The following PRKCH variants were observed in gnomAD, a reference collection of about 807,000 sequenced individuals.
PRKCH encodes the protein protein kinase C eta type.
PRKCH carries 28 observed loss-of-function variants against 82.5 expected under a neutral mutation model. The observed-to-expected ratio is 0.34, with a 90% CI of 0.25 to 0.47. The LOEUF (loss-of-function observed/expected upper bound fraction) is 0.47. PRKCH is among the 20% of genes least tolerant of loss of function. The pLI is 1.00. For synonymous variants in PRKCH, 322 were observed against 327.4 expected, an observed-to-expected ratio of 0.98 and a Z score of 0.18; for missense variants, 705 against 881.8, an observed-to-expected ratio of 0.80 and a Z score of 2.54.
At chr14:61,356,055 C>G (rs1032356011) in intron 1 of PRKCH, among the ~76,000 whole-genome samples, 1 of 152,122 alleles carries the variant, frequency 6.6e-6, no homozygotes, top group Non-Finnish European at 1.5e-5. Flanking sequence ...ATCCAGAGAA[C>G]CGGAAGAGCA....
chr14:61,317,844 G>A (rs1230895935), upstream of PRKCH, among the ~76,000 whole-genome samples: 2 of 152,196 alleles, frequency 1.3e-5, no homozygotes, highest in South Asian at 2.1e-4. Context: ...CCCATAAAGA[G>A]TCTGATCCAC....
chr14:61,325,048 C>G (rs1183051678), intron 1 of PRKCH, among the ~76,000 whole-genome samples: 1 of 152,100 alleles, frequency 6.6e-6, no homozygotes, highest in Non-Finnish European at 1.5e-5. Context: ...TCAATTCTTC[C>G]CAAAGTATTC....
At chr14:61,429,238 A>G (rs1883272420) in intron 2 of PRKCH, among the ~76,000 whole-genome samples, 1 of 152,198 alleles carries the variant, frequency 6.6e-6, no homozygotes, top group Non-Finnish European at 1.5e-5. Context: ...CTGGAAGACC[A>G]GAAAGGGCAC....
chr14:61,388,308 G>A (rs192296151), intron 1 of PRKCH, among the ~76,000 whole-genome samples: 16 of 152,346 alleles, frequency 1.1e-4, no homozygotes, highest in Non-Finnish European at 1.6e-4. Context: ...CTTGAAGACC[G>A]TGTTTAAATC....
intron 1 of PRKCH, among the ~76,000 whole-genome samples, chr14:61,238,836 T>A (rs575801617): frequency 2.0e-5 from 3 of 152,312 alleles, no homozygotes; most frequent in Admixed American, 6.5e-5. Flanking sequence ...ACAAACTGGG[T>A]AAAGCTTCTC....
intron 12 of PRKCH, among the ~76,000 whole-genome samples, chr14:61,536,184 A>AC (rs10647032): frequency 6.6e-6 from 1 of 151,486 alleles, no homozygotes; most frequent in Non-Finnish European, 1.5e-5. Flanking sequence ...CACCCTCATG[A>AC]TTTTTTGCCA....
At chr14:61,391,194 A>G (rs906974316) in intron 1 of PRKCH, 31 bp from the exon 2 acceptor site, 1 of 1,575,214 alleles carries the variant, frequency 6.3e-7, no homozygotes, top group Non-Finnish European at 8.7e-7. Flanking sequence ...TAAAACTAAC[A>G]TATAATATAC....
intron 1 of PRKCH, among the ~76,000 whole-genome samples, chr14:61,379,763 C>T (rs577913441): frequency 1.9e-4 from 29 of 152,274 alleles, no homozygotes; most frequent in African/African-American, 6.3e-4. Context: ...GAGTATATTC[C>T]CCATCTCCAG....
At chr14:61,210,734 T>C (rs1331834047) in intron 1 of PRKCH, among the ~76,000 whole-genome samples, 2 of 150,416 alleles carry the variant, frequency 1.3e-5, no homozygotes, top group Non-Finnish European at 2.9e-5. Flanking sequence ...AGTGATCACA[T>C]TAAATAGGCC....
At chr14:61,470,833 G>A (rs528461152) in intron 9 of PRKCH, among the ~76,000 whole-genome samples, 10 of 152,170 alleles carry the variant, frequency 6.6e-5, no homozygotes, top group African/African-American at 1.7e-4. Context: ...GGAGATCCCT[G>A]CTAGCCAAAT....
chr14:61,284,065 G>C (rs1342061293), intron 1 of PRKCH, among the ~76,000 whole-genome samples: 2 of 152,218 alleles, frequency 1.3e-5, no homozygotes, highest in African/African-American at 4.8e-5. Context: ...ATAGTGCAAA[G>C]GCAGGAGCAG....
intron 10 of PRKCH, among the ~76,000 whole-genome samples, chr14:61,519,395 C>T (rs1024671900): frequency 2.0e-5 from 3 of 152,128 alleles, no homozygotes; most frequent in Non-Finnish European, 4.4e-5. Flanking sequence ...TCAAGCAATC[C>T]TCCCACCCTG....
chr14:61,456,890 C>A, intron 7 of PRKCH: 1 of 305,060 alleles, frequency 3.3e-6, no homozygotes, highest in Admixed American at 4.8e-5. Context: ...CAAGGGACCA[C>A]ACAAGGCATT....
At chr14:61,545,928 G>A (rs772043309) in intron 12 of PRKCH, among the ~76,000 whole-genome samples, 3 of 152,208 alleles carry the variant, frequency 2.0e-5, no homozygotes, top group Non-Finnish European at 2.9e-5. Flanking sequence ...AGAACAGGCT[G>A]TACCCACCCA....
At chr14:61,518,055 G>C (rs532832924) in intron 10 of PRKCH, among the ~76,000 whole-genome samples, 1 of 152,330 alleles carries the variant, frequency 6.6e-6, no homozygotes, top group South Asian at 2.1e-4. Context: ...GTCTGCACTG[G>C]GGAAGAGACT....
At chr14:61,362,248 G>A (rs2046234044) in intron 1 of PRKCH, among the ~76,000 whole-genome samples, 1 of 151,868 alleles carries the variant, frequency 6.6e-6, no homozygotes, top group South Asian at 2.1e-4. Flanking sequence ...GCAGAAGAGG[G>A]AGGATAGCTT....
chr14:61,338,942 C>T (rs1197291917), intron 1 of PRKCH, among the ~76,000 whole-genome samples: 2 of 152,018 alleles, frequency 1.3e-5, no homozygotes, highest in Non-Finnish European at 2.9e-5. Context: ...AATGACTGTT[C>T]CCATTAATAT....
At chr14:61,417,971 T>C (rs956217196) in intron 2 of PRKCH, among the ~76,000 whole-genome samples, 1 of 152,228 alleles carries the variant, frequency 6.6e-6, no homozygotes, top group Non-Finnish European at 1.5e-5. Context: ...CTGATTAAAC[T>C]TGAAAAGGGA....
In PRKCH at chr14:61,425,020, T is replaced by C. The variant is rs534287427; in HGVS notation, c.428-18091T>C. Among the ~76,000 whole-genome samples the C allele has an allele frequency of 1.9e-3, 291 of 152,346 alleles. 2 individuals are homozygous for C. The highest frequency in any genetic ancestry group is 6.4e-3 in the African/African-American group (266 of 41,584). On this transcript the variant is annotated intron_variant, in intron 2 of 13. Coordinates refer to ENST00000332981, the MANE Select transcript of PRKCH (RefSeq NM_006255.5). ...CCTGCAGGTATACAAAAGTCAAGAA[T>C]TGAGGTTTGGGAGCCTCAGCTGAGA...
Sources: allele counts gnomAD v4.1 joint callset (sites outside exome capture counted in the v4.1 genomes callset), GRCh38; gene constraint gnomAD v4.1.1; transcripts MANE v1.5; gene names NCBI Gene and HGNC (gene_info 2026-07-23, HGNC 2026-07-21).